RBFOX1: variants seen among roughly 807,000 people sequenced by gnomAD.
The protein encoded by RBFOX1 is RNA binding fox-1 homolog 1.
In RBFOX1, 8 loss-of-function variants were observed where a neutral mutation model predicts 57.7. The observed-to-expected ratio is 0.14, with a 90% CI of 0.08 to 0.25. The LOEUF is 0.25. Ranked by LOEUF, RBFOX1 falls within the 10% of genes least tolerant of loss-of-function variation. The probability of loss-of-function intolerance (pLI) is 1.00; values close to 1 mark genes in which losing one functional copy is unlikely to be tolerated. For synonymous variants in RBFOX1, 326 were observed against 222.4 expected, an observed-to-expected ratio of 1.47 and a Z score of -4.15; for missense variants, 611 against 548.5, an observed-to-expected ratio of 1.11 and a Z score of -1.14.
intron 4 of RBFOX1, among the ~76,000 whole-genome samples, chr16:7,174,774 A>C (rs557317943): frequency 6.6e-6 from 1 of 152,212 alleles, no homozygotes; most frequent in African/African-American, 2.4e-5. Context: ...AGCGAGACTC[A>C]GTCTCAAAAC....
chr16:5,514,422 T>G (rs1275414611), intron 2 of RBFOX1, among the ~76,000 whole-genome samples: 2 of 152,182 alleles, frequency 1.3e-5, no homozygotes, highest in African/African-American at 4.8e-5. Flanking sequence ...TGAGTTTTCC[T>G]TTCTGCTGCC....
intron 3 of RBFOX1, among the ~76,000 whole-genome samples, chr16:5,806,357 G>A (rs2055226233): frequency 6.6e-6 from 1 of 152,286 alleles, no homozygotes; most frequent in South Asian, 2.1e-4. Context: ...CCACATGGTG[G>A]ATGGGGCCAA....
intron 1 of RBFOX1, among the ~76,000 whole-genome samples, chr16:6,053,202 C>T (rs1255577592): frequency 6.6e-6 from 1 of 152,134 alleles, no homozygotes; most frequent in Non-Finnish European, 1.5e-5. Flanking sequence ...TATCCGAGGG[C>T]TCCTGATGTA....
At chr16:5,273,233 T>G (rs1406163748) in intron 1 of RBFOX1, among the ~76,000 whole-genome samples, 1 of 152,034 alleles carries the variant, frequency 6.6e-6, no homozygotes, top group Non-Finnish European at 1.5e-5. Context: ...AATTTTTTTT[T>G]TTTTTTGGTG....
chr16:6,947,370 T>A (rs148323535), intron 3 of RBFOX1, among the ~76,000 whole-genome samples: 2 of 152,198 alleles, frequency 1.3e-5, no homozygotes, highest in Admixed American at 6.5e-5. Flanking sequence ...CCTGAGCCTT[T>A]TGCATCTTAA....
At chr16:5,885,309 C>G (rs986394639) in intron 4 of RBFOX1, among the ~76,000 whole-genome samples, 4 of 150,154 alleles carry the variant, frequency 2.7e-5, no homozygotes, top group Non-Finnish European at 4.4e-5. Context: ...ACGTTAGACT[C>G]CTGGAGGCTT....
At chr16:6,518,022 C>T (rs973679795) in intron 2 of RBFOX1, among the ~76,000 whole-genome samples, 3 of 152,140 alleles carry the variant, frequency 2.0e-5, no homozygotes, top group Admixed American at 6.5e-5. Flanking sequence ...GCCTCATTGA[C>T]TCTGAAGTTC....
intron 3 of RBFOX1, among the ~76,000 whole-genome samples, chr16:6,827,243 A>G (rs562107390): frequency 5.3e-5 from 8 of 151,794 alleles, no homozygotes; most frequent in Admixed American, 3.3e-4. Context: ...ATTTTCTCCT[A>G]AAGTTCTTCT....
chr16:6,551,906 G>A (rs562108634), intron 2 of RBFOX1, among the ~76,000 whole-genome samples: 24 of 152,152 alleles, frequency 1.6e-4, no homozygotes, highest in Non-Finnish European at 2.9e-4. Flanking sequence ...GTGTCCTTCA[G>A]GATCCAGTCT....
At chr16:6,628,832 C>T (rs1162536320) in intron 2 of RBFOX1, among the ~76,000 whole-genome samples, 3 of 152,020 alleles carry the variant, frequency 2.0e-5, no homozygotes, top group Non-Finnish European at 4.4e-5. Context: ...AAAAGAATCA[C>T]AGCCTGACCA....
intron 4 of RBFOX1, among the ~76,000 whole-genome samples, chr16:7,492,221 T>C (rs118175456): frequency 6.6e-6 from 1 of 152,360 alleles, no homozygotes; most frequent in Non-Finnish European, 1.5e-5. Context: ...AAGATTCGTT[T>C]ACCAATAAGA....
chr16:5,686,603 G>C (rs2041250), intron 3 of RBFOX1, among the ~76,000 whole-genome samples: 1 of 151,850 alleles, frequency 6.6e-6, no homozygotes, highest in Non-Finnish European at 1.5e-5. Flanking sequence ...TCTGGTGTTT[G>C]ACTACTGCCT....
intron 4 of RBFOX1, among the ~76,000 whole-genome samples, chr16:7,183,684 G>C (rs148805531): frequency 7.1e-4 from 108 of 152,278 alleles, no homozygotes; most frequent in African/African-American, 2.6e-3. Context: ...TCTTCAGGCA[G>C]AAATTTAGGA....
chr16:6,063,309 G>A (rs1306682382), intron 1 of RBFOX1, among the ~76,000 whole-genome samples: 1 of 151,998 alleles, frequency 6.6e-6, no homozygotes, highest in African/African-American at 2.4e-5. Flanking sequence ...CCCAGGCCAG[G>A]CTACCTTCCT....
intron 2 of RBFOX1, among the ~76,000 whole-genome samples, chr16:6,440,276 G>C (rs2094349212): frequency 1.3e-5 from 2 of 152,038 alleles, no homozygotes; most frequent in South Asian, 4.2e-4. Context: ...AGAAAGGTGT[G>C]GTACATGGCA....
At chr16:6,287,692 A>C (rs2077037139) in intron 1 of RBFOX1, among the ~76,000 whole-genome samples, 1 of 152,170 alleles carries the variant, frequency 6.6e-6, no homozygotes, top group Non-Finnish European at 1.5e-5. Flanking sequence ...ATAAAAGCAC[A>C]CACACATATA....
intron 1 of RBFOX1, among the ~76,000 whole-genome samples, chr16:5,446,160 G>A (rs1269363862): frequency 6.6e-6 from 1 of 152,154 alleles, no homozygotes; most frequent in Non-Finnish European, 1.5e-5. Flanking sequence ...AACAATTCCA[G>A]CTGATGAATT....
chr16:7,610,907 C>G (rs2057352808), intron 10 of RBFOX1, among the ~76,000 whole-genome samples: 1 of 152,158 alleles, frequency 6.6e-6, no homozygotes, highest in Non-Finnish European at 1.5e-5. Context: ...AAAATTTCCC[C>G]AGCTATAAAA....
chr16:6,994,800 G>A (rs1023977723), intron 3 of RBFOX1, among the ~76,000 whole-genome samples: 1 of 152,134 alleles, frequency 6.6e-6, no homozygotes, highest in South Asian at 2.1e-4. Context: ...CAAATTGCAT[G>A]GAAACGATTT....
Sources: gnomAD v4.1 joint callset for allele counts (sites outside exome capture counted in the v4.1 genomes callset) on GRCh38, gnomAD v4.1.1 for gene constraint, MANE v1.5 for transcripts, NCBI Gene and HGNC (gene_info 2026-07-23, HGNC 2026-07-21) for gene names.